The following MDN1 variants were observed in gnomAD, a reference collection of about 807,000 sequenced individuals.
The protein encoded by MDN1 is midasin.
MDN1 carries 266 observed loss-of-function variants against 669.2 expected under a neutral mutation model. The observed-to-expected ratio is 0.40, with a 90% CI of 0.36 to 0.44. MDN1 has a LOEUF of 0.44. Ranked by LOEUF, MDN1 falls within the 20% of genes least tolerant of loss-of-function variation. The pLI is 1.00. For synonymous variants in MDN1, 2,385 were observed against 2,457.1 expected, an observed-to-expected ratio of 0.97 and a Z score of 0.87; for missense variants, 5,940 against 6,754.0, an observed-to-expected ratio of 0.88 and a Z score of 4.22.
intron 72 of MDN1, 137 bp from the exon 73 acceptor site, chr6:89,683,467 T>A: frequency 1.4e-6 from 1 of 700,406 alleles, no homozygotes; most frequent in Non-Finnish European, 2.3e-6. Flanking sequence ...CCTTAAATAT[T>A]AATAGTTGTT....
intron 74 of MDN1, among the ~76,000 whole-genome samples, chr6:89,679,906 C>A (rs1811478226): frequency 6.6e-6 from 1 of 152,192 alleles, no homozygotes; most frequent in Non-Finnish European, 1.5e-5. Flanking sequence ...ATTCCACTCA[C>A]CCCCACCCCT....
rs1584221616 is a variant in MDN1 at position 89,700,099 on chromosome 6, A to G, written c.8834T>C (p.Val2945Ala). 6.2e-7 allele frequency: 1 copy of G among 1,614,204 alleles called. No homozygotes were observed. The highest frequency in any genetic ancestry group is 8.5e-7 in the Non-Finnish European group (1 of 1,180,024). Residue 2945 changes from valine to alanine, a missense_variant, in exon 57 of 102, where the codon GTG becomes GCG. Coordinates refer to ENST00000369393, the MANE Select transcript of MDN1 (RefSeq NM_014611.3). ...EYLAMLWRYK[V>A]TADFMAQACL... Reference sequence around the variant, plus strand: ...AGCTTGTGCCATAAAATCAGCTGTCACTTTGTACCGCCAAAGCATAGCCAG... The same window carrying G: ...AGCTTGTGCCATAAAATCAGCTGTCGCTTTGTACCGCCAAAGCATAGCCAG...
rs975138526 is a variant in MDN1 at position 89,710,784 on chromosome 6, T to G, written c.7662A>C (p.Gln2554His). The G allele has an allele frequency of 6.3e-7, 1 of 1,595,832 alleles. No homozygotes were observed. The highest frequency in any genetic ancestry group is 8.6e-7 in the Non-Finnish European group (1 of 1,168,356). ...KNIPQGLESIQIHLEASAASL... is the reference protein window; with the variant it reads ...KNIPQGLESIHIHLEASAASL... ...ATGCAGCACTGGCTTCCAAATGAAT[T>G]TGTATGGACTCTGTGGAGGAAGGAG... Residue 2554 changes from glutamine to histidine, a missense_variant, in exon 50 of 102, where the codon CAA becomes CAC. Gln to His is a conservative substitution (Grantham distance 24, BLOSUM62 0). Around this residue, in one of 5 missense-constraint regions of MDN1, gnomAD observed 2,292 missense variants for 2,638.3 expected, o/e 0.87. Transcript: ENST00000369393.
intron 44 of MDN1, among the ~76,000 whole-genome samples, 169 bp from the exon 45 acceptor site, chr6:89,715,938 C>T (rs1814340439): frequency 6.6e-6 from 1 of 152,192 alleles, no homozygotes; most frequent in South Asian, 2.1e-4. Flanking sequence ...ATTGATTTTC[C>T]TTCTCGCTTC....
chr6:89,813,924 TA>T (rs61034558), intron 1 of MDN1, among the ~76,000 whole-genome samples: 21,484 of 135,474 alleles, frequency 0.16, 1,731 homozygotes, highest in South Asian at 0.22. Context: ...ACCTAAGATT[TA>T]AAAAAAAAAA....
chr6:89,679,301 T>C (rs1811444365), intron 74 of MDN1, among the ~76,000 whole-genome samples: 1 of 152,190 alleles, frequency 6.6e-6, no homozygotes, highest in Admixed American at 6.5e-5. Context: ...GAGCCAGGAC[T>C]TGAACACTGG....
chr6:89,648,072 C>T lies in MDN1; in HGVS notation c.16355G>A (p.Arg5452His), dbSNP rs1808598333. Residue 5452 changes from arginine to histidine, a missense_variant, in exon 99 of 102, where the codon CGT becomes CAT. Physicochemically the swap from Arg to His is conservative, Grantham distance 29. This residue lies in a region of MDN1 where 2,280 missense variants were observed against 2,576.3 expected (regional missense o/e 0.88). Transcript: ENST00000369393. ...TTTCTTTTGTTGGAATTTGCAGAGA[C>T]GTAGAATCTGGGACCCAGAGTAATC... is the stretch of plus-strand genomic sequence containing the variant. ...FSDYSGSQIL[R>H]LCKFQQKKTK... The T allele has an allele frequency of 8.1e-6, 13 of 1,614,104 alleles. No individual in the cohort carries two copies. The highest frequency in any genetic ancestry group is 2.7e-5 in the African/African-American group (2 of 75,050).
intron 32 of MDN1, 35 bp downstream of exon 32, chr6:89,740,199 A>C: frequency 6.2e-7 from 1 of 1,606,576 alleles, no homozygotes; most frequent in Non-Finnish European, 8.5e-7. Context: ...TGAGGTCAAA[A>C]CCTAGAAAGA....
At chr6:89,803,784 T>C (rs1237544176) in intron 1 of MDN1, among the ~76,000 whole-genome samples, 7 of 151,692 alleles carry the variant, frequency 4.6e-5, no homozygotes, top group African/African-American at 7.3e-5. Flanking sequence ...GGTTTCACCA[T>C]GTTAGCCAGG....
Position 89,714,671 on chromosome 6 carries a change from C to T in MDN1, c.6941G>A (p.Gly2314Glu), listed in dbSNP as rs755996728. 3 of 1,614,070 alleles carry T rather than the reference C, an allele frequency of 1.9e-6. No homozygotes were observed. Among genetic ancestry groups the T allele is most frequent in the Non-Finnish European group, 1.7e-6 (2 of 1,180,000 alleles). ...GTCTGGGGTGCTTGCATCCCCTTCC[C>T]CTGAAATGTAGATTTCAAGTCCACG... ...RNRGLEIYIS[G>E]EGDASTPDNL... The change falls in exon 46 of 102, where the codon GGG becomes GAG. Residue 2314 changes from glycine (G) to glutamate (E), a missense_variant. Gly to Glu is a moderately conservative substitution (Grantham distance 98). Around this residue, in one of 5 missense-constraint regions of MDN1, gnomAD observed 2,292 missense variants for 2,638.3 expected, o/e 0.87. Coordinates refer to ENST00000369393, the MANE Select transcript of MDN1 (RefSeq NM_014611.3).
intron 38 of MDN1, 142 bp from the exon 39 acceptor site, chr6:89,723,761 CTTT>C: frequency 2.1e-6 from 1 of 484,088 alleles, no homozygotes; most frequent in Middle Eastern, 4.7e-4. Flanking sequence ...ATAGAAATTT[CTTT>C]TTTTGTGTTT....
Position 89,658,231 on chromosome 6 carries a change from G to A in MDN1, c.15161C>T (p.Pro5054Leu), listed in dbSNP as rs1418558284. ...TQAMELAGAA[P>L]EKEQGKEEHG... is the part of the protein sequence containing the mutation. Reference sequence around the variant, plus strand: ...CACCTCTTTCCCCTGCTCCTTCTCAGGTGCGGCCCCAGCCAGCTCCATGGC... The same window carrying A: ...CACCTCTTTCCCCTGCTCCTTCTCAAGTGCGGCCCCAGCCAGCTCCATGGC... The change falls in exon 90 of 102, where the codon CCT becomes CTT. Residue 5054 changes from proline (P) to leucine (L), a missense_variant. Around this residue, in one of 5 missense-constraint regions of MDN1, gnomAD observed 2,280 missense variants for 2,576.3 expected, o/e 0.88. Coordinates refer to ENST00000369393, the MANE Select transcript of MDN1 (RefSeq NM_014611.3). 6.2e-7 allele frequency: 1 copy of A among 1,614,188 alleles called. No individual in the cohort carries two copies. Among genetic ancestry groups the A allele is most frequent in the Non-Finnish European group, 8.5e-7 (1 of 1,180,036 alleles).
At chr6:89,775,686 TTTGG>T (rs1562206047) in intron 12 of MDN1, among the ~76,000 whole-genome samples, 2 of 152,028 alleles carry the variant, frequency 1.3e-5, no homozygotes, top group African/African-American at 2.4e-5. Context: ...TTTTTGTTTG[TTTGG>T]TTGGTTTTTA....
At chr6:89,780,354 G>T in intron 10 of MDN1, 61 bp from the exon 11 acceptor site, 1 of 1,097,290 alleles carries the variant, frequency 9.1e-7, no homozygotes, top group Non-Finnish European at 1.3e-6. Context: ...AGACATCAAA[G>T]GCATCAGAAT....
chr6:89,788,447 T>C (rs938583519), intron 7 of MDN1, among the ~76,000 whole-genome samples: 2 of 152,176 alleles, frequency 1.3e-5, no homozygotes, highest in African/African-American at 4.8e-5. Context: ...AAATGGTACA[T>C]ACACTTCAGG....
At chr6:89,712,402 A>G (rs1814000943) in intron 48 of MDN1, 146 bp from the exon 49 acceptor site, 5 of 982,474 alleles carry the variant, frequency 5.1e-6, no homozygotes, top group Middle Eastern at 6.7e-4. Context: ...AAGTTAAAAC[A>G]TACCTAATAA....
chr6:89,758,207 C>T, intron 19 of MDN1, 48 bp downstream of exon 19: 1 of 1,469,074 alleles, frequency 6.8e-7, no homozygotes, highest in East Asian at 2.3e-5. Flanking sequence ...GGCAACAGAG[C>T]AAGAACCTGT....
At chr6:89,692,260 G>A (rs1295352922) in intron 63 of MDN1, among the ~76,000 whole-genome samples, 183 bp downstream of exon 63, 1 of 152,030 alleles carries the variant, frequency 6.6e-6, no homozygotes, top group African/African-American at 2.4e-5. Context: ...CTTAAAAATT[G>A]AGAGGCAAAG....
chr6:89,666,534 T>C (rs1170961458), intron 84 of MDN1, among the ~76,000 whole-genome samples: 2 of 152,208 alleles, frequency 1.3e-5, no homozygotes, highest in Non-Finnish European at 2.9e-5. Context: ...TGTCTCCCTA[T>C]GTTGCCCCGG....
Sources: gnomAD v4.1 joint callset for allele counts (sites outside exome capture counted in the v4.1 genomes callset) on GRCh38, gnomAD v4.1.1 for gene constraint, gnomAD v4.1.1 regional missense constraint, MANE v1.5 for transcripts, NCBI Gene and HGNC (gene_info 2026-07-23, HGNC 2026-07-21) for gene names.